Variants in FGF1 observed in about 807,000 individuals in gnomAD.
FGF1 encodes the protein beta-endothelial cell growth factor.
In FGF1, 9 loss-of-function variants were observed where a neutral mutation model predicts 13.4. The ratio of observed to expected loss-of-function variants is 0.67; its 90% CI spans 0.40 to 1.17. The LOEUF is 1.17. FGF1 is among the 50% of genes most tolerant of loss of function. FGF1 has a pLI of 0.01. For synonymous variants in FGF1, 93 were observed against 79.0 expected (o/e 1.18, Z -0.94); for missense variants, 156 against 192.7 (o/e 0.81, Z 1.13).
rs372510592 is a variant in FGF1 at position 142,646,567 on chromosome 5, A to G, written c.-34-32406T>C. On this transcript the variant is annotated intron_variant, in intron 1 of 3. Transcript: ENST00000337706. ...GGGGTTTCGCCATGTTGGTCAGGCT[A>G]GTCTCAAACGCCTGACCTCATGCTC... Among the ~76,000 whole-genome samples the G allele has an allele frequency of 9.2e-3, 1,390 of 151,424 alleles. 8 individuals are homozygous for G. The highest frequency in any genetic ancestry group is 0.014 in the Non-Finnish European group (935 of 67,752).
At chr5:142,687,524 C>T (rs1751453768), upstream of FGF1, among the ~76,000 whole-genome samples, 1 of 152,198 alleles carries the variant, frequency 6.6e-6, no homozygotes, top group Non-Finnish European at 1.5e-5. Context: ...ACTTCTACAC[C>T]TGCAAAGGAT....
At chr5:142,600,899 C>A in intron 2 of FGF1, 94 bp from the exon 3 acceptor site, 1 of 840,678 alleles carries the variant, frequency 1.2e-6, no homozygotes. Flanking sequence ...GAAAATTCTG[C>A]TCATTCATTT....
intron 1 of FGF1, among the ~76,000 whole-genome samples, chr5:142,642,149 C>T (rs1765301806): frequency 6.6e-6 from 1 of 152,226 alleles, no homozygotes; most frequent in Admixed American, 6.5e-5. Context: ...GCATCCACCA[C>T]TGTCAGAGAA....
At chr5:142,659,110 G>A (rs1306646841) in intron 1 of FGF1, among the ~76,000 whole-genome samples, 1 of 151,786 alleles carries the variant, frequency 6.6e-6, no homozygotes, top group African/African-American at 2.4e-5. Context: ...TTATCACTTT[G>A]GTTCCATGGT....
At chr5:142,615,461 A>C (rs985408128) in intron 1 of FGF1, among the ~76,000 whole-genome samples, 1 of 152,190 alleles carries the variant, frequency 6.6e-6, no homozygotes, top group Non-Finnish European at 1.5e-5. Flanking sequence ...TGACCTCGTG[A>C]TCCGCCTGCC....
At chr5:142,601,098 C>G (rs912386857) in intron 2 of FGF1, 5 of 562,896 alleles carry the variant, frequency 8.9e-6, no homozygotes, top group Non-Finnish European at 1.4e-5. Flanking sequence ...CTTCACGGTG[C>G]CTCGCTCCTT....
Position 142,685,053 on chromosome 5 carries a change from C to T in FGF1, c.-35+904G>A, listed in dbSNP as rs10078821. The stretch of plus-strand genomic sequence containing the variant: ...GCCTCCCTTGGGTCTCTGAAAAGTG[C>T]GTACTTGATTAAATGCCTGAAATTT... On this transcript the variant is annotated intron_variant, in intron 1 of 3. Transcript: ENST00000337706. 6.2e-3 allele frequency among the ~76,000 whole-genome samples: 942 copies of T among 152,258 alleles called. 11 individuals are homozygous for T. Among genetic ancestry groups the T allele is most frequent in the African/African-American group, 0.022 (896 of 41,544 alleles).
At chr5:142,631,055 G>A (rs1307757784) in intron 1 of FGF1, among the ~76,000 whole-genome samples, 2 of 152,200 alleles carry the variant, frequency 1.3e-5, no homozygotes, top group Non-Finnish European at 2.9e-5. Context: ...TATTTATTGA[G>A]TAAATGAGGG....
At chr5:142,610,105 G>C (rs758200) in intron 2 of FGF1, among the ~76,000 whole-genome samples, 12,330 of 152,222 alleles carry the variant, frequency 0.081, 844 homozygotes, top group East Asian at 0.18. Context: ...GTCAACTGCA[G>C]TGTTCTTAGA....
intron 1 of FGF1, among the ~76,000 whole-genome samples, chr5:142,640,938 A>G (rs1467360308): frequency 6.6e-6 from 1 of 151,982 alleles, no homozygotes; most frequent in Non-Finnish European, 1.5e-5. Flanking sequence ...CTCTCTCCAT[A>G]TACTTAGTAG....
rs766512456 is a variant in FGF1 at position 142,600,708 on chromosome 5, G to A, written c.267C>T (p.Tyr89=). The A allele has an allele frequency of 6.2e-6, 10 of 1,608,052 alleles. No individual in the cohort carries two copies. The highest frequency in any genetic ancestry group is 2.2e-5 in the South Asian group (2 of 90,960). ...ATGTCAGCTTCATACTTACTGAGCC[G>A]TATAAAAGCCCGTCGGTGTCCATGG... ...YLAMDTDGLL[Y]GSQTPNEECL... is the part of the protein sequence containing the mutation. Residue 89 remains tyrosine, a synonymous_variant, in exon 3 of 4, where the codon TAC becomes TAT. Transcript: ENST00000337706.
intron 1 of FGF1, among the ~76,000 whole-genome samples, chr5:142,630,138 C>T (rs1763134004): frequency 6.6e-6 from 1 of 151,932 alleles, no homozygotes; most frequent in Non-Finnish European, 1.5e-5. Context: ...GTGATCTGCC[C>T]ACCTCGGCCT....
chr5:142,696,457 A>C (rs1028300098), intron 2 of FGF1, among the ~76,000 whole-genome samples: 7 of 152,196 alleles, frequency 4.6e-5, no homozygotes, highest in African/African-American at 1.7e-4. Flanking sequence ...GGATGGGTAC[A>C]GTACCCACAT....
At chr5:142,694,742 G>A (rs1183009351) in intron 2 of FGF1, among the ~76,000 whole-genome samples, 2 of 152,034 alleles carry the variant, frequency 1.3e-5, no homozygotes, top group African/African-American at 2.4e-5. Flanking sequence ...AACATTTCCC[G>A]CAAAGACCAC....
chr5:142,672,500 G>GTTTT (rs34954693), intron 1 of FGF1, among the ~76,000 whole-genome samples: 2 of 123,334 alleles, frequency 1.6e-5, no homozygotes, highest in African/African-American at 3.0e-5. Flanking sequence ...TTTCTGTACA[G>GTTTT]TTTTTTTTTT....
intron 1 of FGF1, among the ~76,000 whole-genome samples, chr5:142,644,473 T>G (rs1288506985): frequency 6.6e-6 from 1 of 152,066 alleles, no homozygotes; most frequent in Non-Finnish European, 1.5e-5. Flanking sequence ...GCTGGACCAT[T>G]CCTGCAGTGT....
chr5:142,640,451 C>T (rs189794399), intron 1 of FGF1, among the ~76,000 whole-genome samples: 17 of 139,256 alleles, frequency 1.2e-4, no homozygotes, highest in African/African-American at 4.3e-4. Flanking sequence ...CTCTGAGAAG[C>T]GGCATTGGAG....
chr5:142,663,378 G>C (rs1366085049), intron 1 of FGF1, among the ~76,000 whole-genome samples: 1 of 152,256 alleles, frequency 6.6e-6, no homozygotes, highest in Non-Finnish European at 1.5e-5. Flanking sequence ...AGGAGAAAGT[G>C]CCAAGTCCTA....
At chr5:142,599,828 T>C (rs959432693) in intron 3 of FGF1, among the ~76,000 whole-genome samples, 2 of 150,634 alleles carry the variant, frequency 1.3e-5, no homozygotes, top group Non-Finnish European at 2.9e-5. Context: ...ACAATTAGAC[T>C]ATGCCTCTCC....
Sources: gnomAD v4.1 joint callset for allele counts (sites outside exome capture counted in the v4.1 genomes callset) on GRCh38, gnomAD v4.1.1 for gene constraint, MANE v1.5 for transcripts, NCBI Gene and HGNC (gene_info 2026-07-23, HGNC 2026-07-21) for gene names.